The following CACNA1C variants were observed in gnomAD, a reference collection of about 807,000 sequenced individuals.
The protein encoded by CACNA1C is voltage-dependent L-type calcium channel subunit alpha-1C.
Under a neutral mutation model 229.0 loss-of-function variants are expected in CACNA1C, and 30 were observed. That is an observed-to-expected ratio of 0.13 (90% CI 0.10 to 0.18). CACNA1C has a LOEUF of 0.18. CACNA1C is among the 10% of genes least tolerant of loss of function. CACNA1C has a pLI of 1.00. For missense variants in CACNA1C, 1,658 were observed against 2,845.0 expected, an observed-to-expected ratio of 0.58 and a Z score of 9.49; for synonymous variants, 1,114 against 1,132.5, an observed-to-expected ratio of 0.98 and a Z score of 0.33.
intron 28 of CACNA1C, among the ~76,000 whole-genome samples, 185 bp downstream of exon 28, chr12:2,610,884 T>C (rs2077320887): frequency 6.6e-6 from 1 of 152,206 alleles, no homozygotes; most frequent in African/African-American, 2.4e-5. Flanking sequence ...GAAGAATCCA[T>C]GGCACCCTGG....
chr12:2,689,935 A>T lies in CACNA1C; in HGVS notation c.6118-965A>T, dbSNP rs1357454167. ...CAAGGAGAGAATGAGTGGCGTGGGC[A>T]AGGAGCAAGACAAACAGATGCCTGA... On this transcript the variant is annotated intron_variant, in intron 46 of 46. Transcript: ENST00000399655. The surrounding 1 kb of genome is among the most constrained non-coding windows in gnomAD (Gnocchi z 4.2). 1 of 152,374 alleles carries T rather than the reference A, an allele frequency of 6.6e-6. No homozygotes were observed. Among genetic ancestry groups the T allele is most frequent in the Non-Finnish European group, 1.5e-5 (1 of 68,166 alleles). 9.4% of individuals were successfully genotyped at this position (152,374 alleles called of 1,614,324 possible). A position where few individuals can be genotyped will look rare whatever the true frequency, so the allele number is the denominator to read the frequency against.
Position 2,653,352 on chromosome 12 carries a change from C to G in CACNA1C, c.4075-483C>G, listed in dbSNP as rs886825046. ...AACAGGATTTGAACCCATGATCTTTCTTTTAAATTTTTCCTTATTAAATGT... is the reference window on the plus strand; with the variant it reads ...AACAGGATTTGAACCCATGATCTTTGTTTTAAATTTTTCCTTATTAAATGT... On this transcript the variant is annotated intron_variant, in intron 32 of 46. Transcript: ENST00000399655. The surrounding 1 kb of genome is among the most constrained non-coding windows in gnomAD (Gnocchi z 4.7). Among the ~76,000 whole-genome samples, 45 of 152,284 alleles carry G rather than the reference C, an allele frequency of 3.0e-4. No homozygotes were observed. Among genetic ancestry groups the G allele is most frequent in the Non-Finnish European group, 6.2e-4 (42 of 68,016 alleles).
At chr12:2,420,016 C>T (rs756675104) in intron 3 of CACNA1C, among the ~76,000 whole-genome samples, 2 of 151,794 alleles carry the variant, frequency 1.3e-5, no homozygotes, top group Non-Finnish European at 1.5e-5. Flanking sequence ...CCAAGCTTTT[C>T]GTAATGGGGT....
At chr12:1,993,293 T>G (rs759481679) in intron 1 of CACNA1C, 2 of 1,614,066 alleles carry the variant, frequency 1.2e-6, no homozygotes, top group Admixed American at 1.7e-5. Context: ...AAGGAAAGGG[T>G]CCTGGAGTTG....
intron 10 of CACNA1C, chr12:2,550,708 G>A: frequency 2.3e-6 from 3 of 1,294,680 alleles, no homozygotes; most frequent in Non-Finnish European, 3.0e-6. Flanking sequence ...GCGGGGCAGG[G>A]CGGCATCTCC....
chr12:2,516,125 C>T (rs1163492531), intron 9 of CACNA1C, among the ~76,000 whole-genome samples: 2 of 152,104 alleles, frequency 1.3e-5, no homozygotes, highest in Middle Eastern at 3.4e-3. Flanking sequence ...GTCTCACGAT[C>T]GAGGCAGCAT....
chr12:2,371,783 G>C (rs985195416), intron 3 of CACNA1C, among the ~76,000 whole-genome samples: 1 of 144,278 alleles, frequency 6.9e-6, no homozygotes, highest in African/African-American at 2.6e-5. Context: ...TGAAACTTGT[G>C]GAATTAAATC....
intron 5 of CACNA1C, among the ~76,000 whole-genome samples, chr12:2,468,460 G>A (rs138841118): frequency 8.5e-4 from 127 of 149,598 alleles, no homozygotes; most frequent in Middle Eastern, 3.4e-3. Context: ...ACACAGGGAC[G>A]TTATCCCTAA....
intron 1 of CACNA1C, among the ~76,000 whole-genome samples, chr12:1,996,634 A>AC (rs1565869518): frequency 5.7e-5 from 7 of 122,506 alleles, no homozygotes; most frequent in African/African-American, 2.1e-4. Flanking sequence ...AAAAAAAAAA[A>AC]AAAAAAAAAA....
intron 3 of CACNA1C, among the ~76,000 whole-genome samples, chr12:2,316,800 T>C (rs1365835858): frequency 6.6e-6 from 1 of 152,208 alleles, no homozygotes; most frequent in Non-Finnish European, 1.5e-5. Flanking sequence ...TATGAAGAGC[T>C]GATTTGCAGT....
At chr12:2,400,346 G>T (rs1236335509) in intron 3 of CACNA1C, among the ~76,000 whole-genome samples, 1 of 152,140 alleles carries the variant, frequency 6.6e-6, no homozygotes, top group East Asian at 1.9e-4. Flanking sequence ...TCATTGTGAA[G>T]TGGACTCCAG....
chr12:2,259,536 A>G (rs2079245167), intron 3 of CACNA1C, among the ~76,000 whole-genome samples: 1 of 152,242 alleles, frequency 6.6e-6, no homozygotes, highest in Non-Finnish European at 1.5e-5. Context: ...GGGGGAGCTA[A>G]GAGCAGGGCA....
chr12:1,975,833 A>G (rs867017506), intron 1 of CACNA1C, among the ~76,000 whole-genome samples: 10 of 152,282 alleles, frequency 6.6e-5, no homozygotes, highest in African/African-American at 2.4e-4. Context: ...TACATAAGAA[A>G]TGTATATATT....
chr12:2,513,749 C>A (rs918619884), intron 9 of CACNA1C, among the ~76,000 whole-genome samples: 18 of 152,192 alleles, frequency 1.2e-4, no homozygotes, highest in African/African-American at 4.3e-4. Context: ...GCAGCGTCAG[C>A]ATTACCTGGA....
intron 3 of CACNA1C, among the ~76,000 whole-genome samples, chr12:2,237,606 T>C (rs973878825): frequency 2.0e-5 from 3 of 152,202 alleles, no homozygotes; most frequent in African/African-American, 7.2e-5. Flanking sequence ...TTCCTAGTGG[T>C]CAATGGTTGG....
intron 5 of CACNA1C, among the ~76,000 whole-genome samples, chr12:2,470,591 A>G (rs1181709271): frequency 6.6e-6 from 1 of 152,224 alleles, no homozygotes; most frequent in Non-Finnish European, 1.5e-5. Context: ...AAATTCCCAG[A>G]GCCACCATTT....
intron 30 of CACNA1C, among the ~76,000 whole-genome samples, chr12:2,634,716 G>A (rs1229057771): frequency 6.6e-6 from 1 of 152,072 alleles, no homozygotes; most frequent in African/African-American, 2.4e-5. Context: ...ATGAGGGGAT[G>A]TTTGCCACTC....
chr12:2,499,265 A>G (rs1330707468), intron 7 of CACNA1C, among the ~76,000 whole-genome samples: 1 of 152,192 alleles, frequency 6.6e-6, no homozygotes, highest in Non-Finnish European at 1.5e-5. Context: ...CCTGTCCCCC[A>G]GTGACAGTGT....
chr12:2,098,739 G>T (rs1216526982), intron 1 of CACNA1C, among the ~76,000 whole-genome samples: 1 of 152,198 alleles, frequency 6.6e-6, no homozygotes, highest in African/African-American at 2.4e-5. Flanking sequence ...CAGCTTTCAT[G>T]TTTTATTTTA....
Sources: allele counts gnomAD v4.1 joint callset (sites outside exome capture counted in the v4.1 genomes callset), GRCh38; gene constraint gnomAD v4.1.1; non-coding constraint Gnocchi (gnomAD v3.1); transcripts MANE v1.5; gene names NCBI Gene and HGNC (gene_info 2026-07-23, HGNC 2026-07-21).